Variants in MAPK15 observed in about 807,000 individuals in gnomAD.
MAPK15 encodes the protein ERK-7.
A neutral mutation model predicts 60.8 loss-of-function variants in MAPK15; 61 were observed. That is an observed-to-expected ratio of 1.00 (90% CI 0.82 to 1.24). The LOEUF is 1.24. Ranked by LOEUF, MAPK15 falls within the 50% of genes most tolerant of loss-of-function variation. The probability of loss-of-function intolerance (pLI) is 0.00; values close to 1 mark genes in which losing one functional copy is unlikely to be tolerated. For missense variants in MAPK15, 808 were observed against 741.1 expected (o/e 1.09, Z -1.05); for synonymous variants, 356 against 319.9 (o/e 1.11, Z -1.21).
Position 143,719,047 on chromosome 8 carries a change from C to T in MAPK15, c.472C>T (p.Leu158=). Residue 158 remains leucine, a synonymous_variant, in exon 6 of 14, where the codon CTG becomes TTG. Transcript: ENST00000338033. ...CACAGTGAAGCTGTGTGACTTTGGCCTGGCCCGCTCCCTGGGCGACCTCCC... is the reference window on the plus strand; with the variant it reads ...CACAGTGAAGCTGTGTGACTTTGGCTTGGCCCGCTCCCTGGGCGACCTCCC... ...NCTVKLCDFG[L]ARSLGDLPEG... 1 of 1,596,112 alleles carries T rather than the reference C, an allele frequency of 6.3e-7. No homozygotes were observed. Among genetic ancestry groups the T allele is most frequent in the Non-Finnish European group, 8.5e-7 (1 of 1,171,940 alleles).
intron 4 of MAPK15, 162 bp from the exon 5 acceptor site, chr8:143,718,613 T>C (rs2131574476): frequency 3.0e-6 from 2 of 659,968 alleles, no homozygotes; most frequent in East Asian, 5.5e-5. Flanking sequence ...CCTGCAGACC[T>C]CACCGCTGTG....
Position 143,721,551 on chromosome 8 carries a change from T to TC in MAPK15, c.1213dup (p.Arg405ProfsTer68), listed in dbSNP as rs782212089. 1 of 1,612,844 alleles carries TC rather than the reference T, an allele frequency of 6.2e-7. No homozygotes were observed. Among genetic ancestry groups the TC allele is most frequent in the Non-Finnish European group, 8.5e-7 (1 of 1,179,626 alleles). The stretch of plus-strand genomic sequence containing the variant: ...GGGTTGACCCACTGACCCCACAGAG[T>TC]CCCCCCGTGCAGCCAAGAACGTTCC... On this transcript the variant is annotated frameshift_variant, in exon 12 of 14. Transcript: ENST00000338033. LOFTEE classifies it high-confidence loss of function.
chr8:143,720,164 C>A lies in MAPK15; in HGVS notation c.722-66C>A. ...CTGGGGCTGGAAGAGATGACTGGCC[C>A]CAGATGCCCTGAGCCGCCCCAGCCG... On this transcript the variant is annotated intron_variant, in intron 7 of 13. Transcript: ENST00000338033. This position sits in a 1 kb window ranked among gnomAD's most constrained non-coding sequence, Gnocchi z 4.6. The A allele has an allele frequency of 6.5e-7, 1 of 1,539,086 alleles. No homozygotes were observed. The highest frequency in any genetic ancestry group is 1.2e-5 in the South Asian group (1 of 83,910).
intron 1 of MAPK15, among the ~76,000 whole-genome samples, chr8:143,717,233 G>A (rs1159329819): frequency 1.3e-5 from 2 of 152,178 alleles, no homozygotes; most frequent in Non-Finnish European, 2.9e-5. Flanking sequence ...GCGGCAGACG[G>A]AGATGAGTTA....
rs899362003 is a variant in MAPK15 at position 143,722,388 on chromosome 8, C to T, written c.*137C>T. 1.8e-5 allele frequency: 13 copies of T among 732,178 alleles called. No homozygotes were observed. The highest frequency in any genetic ancestry group is 2.5e-5 in the Non-Finnish European group (12 of 474,694). 45.4% of individuals were successfully genotyped at this position (732,178 alleles called of 1,614,324 possible). On this transcript the variant is annotated 3_prime_UTR_variant, in exon 14 of 14. Coordinates refer to ENST00000338033, the MANE Select transcript of MAPK15 (RefSeq NM_139021.3). ...GTTCCAGGGAGCTTGCCCGGGTCTC[C>T]TCGGGGGAGCAGATGAGGGCCCTGC...
In MAPK15 at chr8:143,720,555, G is replaced by A. The variant is rs782669586; in HGVS notation, c.780-148G>A. On this transcript the variant is annotated intron_variant, in intron 8 of 13. Transcript: ENST00000338033. This position sits in a 1 kb window ranked among gnomAD's most constrained non-coding sequence, Gnocchi z 4.6. ...GGTCTCTCCACCCTGCAGGGGCCCA[G>A]ACTGCCTGCAGGTCAGGCACAGGGG... is the stretch of plus-strand genomic sequence containing the variant. 2.7e-6 allele frequency: 4 copies of A among 1,469,562 alleles called. No homozygotes were observed. Among genetic ancestry groups the A allele is most frequent in the Non-Finnish European group, 3.6e-6 (4 of 1,106,586 alleles). 91.0% of individuals were successfully genotyped at this position (1,469,562 alleles called of 1,614,324 possible).
chr8:143,717,905 G>T, intron 2 of MAPK15, 113 bp downstream of exon 2: 1 of 1,491,372 alleles, frequency 6.7e-7, no homozygotes, highest in Non-Finnish European at 9.3e-7. Flanking sequence ...CAGATGTTCT[G>T]GCCTGTCTCG....
chr8:143,721,558 G>C lies in MAPK15; in HGVS notation c.1214G>C (p.Arg405Pro), dbSNP rs782786398. 6.2e-6 allele frequency: 10 copies of C among 1,613,538 alleles called. No homozygotes were observed. The highest frequency in any genetic ancestry group is 8.5e-6 in the Non-Finnish European group (10 of 1,179,840). Residue 405 changes from arginine (R) to proline (P), a missense_variant, in exon 12 of 14, where the codon CGT becomes CCT. Physicochemically the swap from Arg to Pro is moderately radical, Grantham distance 103. Transcript: ENST00000338033. ...GHDPAEHESP[R>P]AAKNVPRQNS... The stretch of plus-strand genomic sequence containing the variant: ...CCCACTGACCCCACAGAGTCCCCCC[G>C]TGCAGCCAAGAACGTTCCCAGGCAG...
Position 143,720,989 on chromosome 8 carries a change from G to A in MAPK15, c.918-11G>A. On this transcript the variant is annotated splice_polypyrimidine_tract_variant and intron_variant, in intron 9 of 13. Transcript: ENST00000338033. This position sits in a 1 kb window ranked among gnomAD's most constrained non-coding sequence, Gnocchi z 4.6. ...CCGCAGCCCGGGCCCCACCTCCCTG[G>A]CTCCCTGCAGGTTCCACTGCCCCAG... 1 of 1,604,656 alleles carries A rather than the reference G, an allele frequency of 6.2e-7. No homozygotes were observed. The highest frequency in any genetic ancestry group is 8.5e-7 in the Non-Finnish European group (1 of 1,176,198).
At chr8:143,718,660 C>G (rs183156422) in intron 4 of MAPK15, 115 bp from the exon 5 acceptor site, 1 of 959,356 alleles carries the variant, frequency 1.0e-6, no homozygotes, top group Admixed American at 2.5e-5. Flanking sequence ...AGCGGGGCGG[C>G]CAGGCCGTGG....
At position 143,718,319 on chromosome 8, in the gene MAPK15, C is replaced by A; in HGVS notation, c.286+17C>A. ...AGTTTATGGGTGAGTGAGGCCCCGG[C>A]CAGCGCCCCAGCCCCACCTCTGTTC... On this transcript the variant is annotated intron_variant, in intron 4 of 13. Transcript: ENST00000338033. 2 of 1,610,010 alleles carry A rather than the reference C, an allele frequency of 1.2e-6. No individual in the cohort carries two copies. Among genetic ancestry groups the A allele is most frequent in the East Asian group, 4.5e-5 (2 of 44,866 alleles).
In MAPK15 at chr8:143,721,878, C is replaced by T. The variant is rs1162775778; in HGVS notation, c.1456C>T (p.Gln486Ter). ...TGGGGTGAGGGTGGCCAGCGTACAA[C>T]AGGTAAGCCCGGCCCAGTCTGCCCC... ...GGGVRVASVQ[Q>*]VPPRLPPEAR... The change falls in exon 13 of 14, where the codon CAG becomes TAG. Residue 486 changes from glutamine (Q) to a stop codon, truncating the protein, a stop_gained and splice_region_variant. Coordinates refer to ENST00000338033, the MANE Select transcript of MAPK15 (RefSeq NM_139021.3). LOFTEE classifies it low-confidence loss of function (END_TRUNC). 3 of 1,577,724 alleles carry T rather than the reference C, an allele frequency of 1.9e-6. No homozygotes were observed. The highest frequency in any genetic ancestry group is 1.3e-5 in the African/African-American group (1 of 74,398).
chr8:143,718,208 C>T lies in MAPK15; in HGVS notation c.196-4C>T. On this transcript the variant is annotated splice_polypyrimidine_tract_variant and splice_region_variant and intron_variant, in intron 3 of 13. Coordinates refer to ENST00000338033, the MANE Select transcript of MAPK15 (RefSeq NM_139021.3). Reference sequence around the variant, plus strand: ...CTTCCAGCCGCCTCCGACTCTCTCCCCAGGAGTTTGGGGACCATCCCAACA... The same window carrying T: ...CTTCCAGCCGCCTCCGACTCTCTCCTCAGGAGTTTGGGGACCATCCCAACA... 1.2e-6 allele frequency: 2 copies of T among 1,614,182 alleles called. No individual in the cohort carries two copies. Among genetic ancestry groups the T allele is most frequent in the Non-Finnish European group, 1.7e-6 (2 of 1,179,998 alleles).
intron 11 of MAPK15, 28 bp from the exon 12 acceptor site, chr8:143,721,521 C>T (rs782680091): frequency 5.6e-6 from 9 of 1,612,834 alleles, no homozygotes; most frequent in South Asian, 1.1e-5. Context: ...GACCCACTGA[C>T]CCCGGGGTTG....
intron 11 of MAPK15, 66 bp from the exon 12 acceptor site, chr8:143,721,483 G>T: frequency 6.2e-7 from 1 of 1,612,178 alleles, no homozygotes; most frequent in South Asian, 1.1e-5. Context: ...CCAACTATGC[G>T]CAGCATTCGG....
At chr8:143,719,541 TG>T in intron 7 of MAPK15, 59 bp downstream of exon 7, 2 of 1,567,760 alleles carry the variant, frequency 1.3e-6, no homozygotes, top group Non-Finnish European at 8.6e-7. Flanking sequence ...AGCACAGCTG[TG>T]GGGAGACAGC....
Position 143,721,590 on chromosome 8 carries a change from G to A in MAPK15, c.1246G>A (p.Ala416Thr), listed in dbSNP as rs782319299. Residue 416 changes from alanine to threonine, a missense_variant, in exon 12 of 14, where the codon GCT becomes ACT. Ala to Thr is a moderately conservative substitution (Grantham distance 58, BLOSUM62 0). Coordinates refer to ENST00000338033, the MANE Select transcript of MAPK15 (RefSeq NM_139021.3). Reference sequence around the variant, plus strand: ...CAAGAACGTTCCCAGGCAGAACTCCGCTCCCCTGCTCCAAACTGCTCTCCT... The same window carrying A: ...CAAGAACGTTCCCAGGCAGAACTCCACTCCCCTGCTCCAAACTGCTCTCCT... The part of the protein sequence containing the change: ...AAKNVPRQNS[A>T]PLLQTALLGN... The A allele has an allele frequency of 2.4e-5, 38 of 1,613,288 alleles. No individual in the cohort carries two copies. The highest frequency in any genetic ancestry group is 2.9e-5 in the Non-Finnish European group (34 of 1,179,622).
At chr8:143,719,290 A>AC in intron 6 of MAPK15, 53 bp from the exon 7 acceptor site, 3 of 1,293,036 alleles carry the variant, frequency 2.3e-6, no homozygotes, top group South Asian at 2.7e-5. Flanking sequence ...CAGCAACCCC[A>AC]CCCCCACCTC....
Position 143,720,857 on chromosome 8 carries a change from G to C in MAPK15, c.917+17G>C. ...CGTGCAGAGGTGGGGGTGGGAGAGA[G>C]TCCCCCAAGTGCGGGGGGACAGAGG... is the stretch of plus-strand genomic sequence containing the variant. On this transcript the variant is annotated intron_variant, in intron 9 of 13. Transcript: ENST00000338033. The surrounding 1 kb of genome is among the most constrained non-coding windows in gnomAD (Gnocchi z 4.6). 1 of 1,608,824 alleles carries C rather than the reference G, an allele frequency of 6.2e-7. No individual in the cohort carries two copies. Among genetic ancestry groups the C allele is most frequent in the East Asian group, 2.2e-5 (1 of 44,814 alleles).
Sources: allele counts gnomAD v4.1 joint callset (sites outside exome capture counted in the v4.1 genomes callset), GRCh38; gene constraint gnomAD v4.1.1; non-coding constraint Gnocchi (gnomAD v3.1); transcripts MANE v1.5; gene names NCBI Gene and HGNC (gene_info 2026-07-23, HGNC 2026-07-21).